SLC26A8: variants seen among roughly 807,000 people sequenced by gnomAD.
SLC26A8 encodes the protein testis anion transporter 1.
SLC26A8 carries 70 observed loss-of-function variants against 105.0 expected under a neutral mutation model. The observed-to-expected ratio is 0.67, with a 90% CI of 0.55 to 0.81. The LOEUF is 0.81. Ranked by LOEUF, SLC26A8 falls within the 40% of genes least tolerant of loss-of-function variation. SLC26A8 has a pLI of 0.00. For synonymous variants in SLC26A8, 415 were observed against 438.3 expected, an observed-to-expected ratio of 0.95 and a Z score of 0.66; for missense variants, 998 against 1,181.8, an observed-to-expected ratio of 0.84 and a Z score of 2.28.
intron 10 of SLC26A8, among the ~76,000 whole-genome samples, chr6:35,973,952 G>A (rs1459466251): frequency 6.6e-6 from 1 of 152,160 alleles, no homozygotes; most frequent in African/African-American, 2.4e-5. Flanking sequence ...CTGACATTTT[G>A]TCACTCTGCA....
Position 35,982,026 on chromosome 6 carries a change from A to G in SLC26A8, c.1025+95T>C, listed in dbSNP as rs191527313. ...AAAATGAATTTTGCTTTGGCCAGAG[A>G]CTGCTAGTAGAAAATATCAATCAGG... On this transcript the variant is annotated intron_variant, in intron 8 of 19. Coordinates refer to ENST00000490799, the MANE Select transcript of SLC26A8 (RefSeq NM_052961.4). 194 of 1,306,748 alleles carry G rather than the reference A, an allele frequency of 1.5e-4. 2 individuals are homozygous for G. The African/African-American group carries it at 2.5e-3, about 17-fold the overall frequency. 80.9% of individuals were successfully genotyped at this position (1,306,748 alleles called of 1,614,324 possible). A position where few individuals can be genotyped will look rare whatever the true frequency, so the allele number is the denominator to read the frequency against.
At chr6:35,948,911 G>C (rs1420592639) in intron 19 of SLC26A8, among the ~76,000 whole-genome samples, 1 of 152,110 alleles carries the variant, frequency 6.6e-6, no homozygotes, top group Non-Finnish European at 1.5e-5. Flanking sequence ...AAACCCTTTT[G>C]TCCTTCCACC....
chr6:35,982,284 A>G, intron 7 of SLC26A8, 81 bp from the exon 8 acceptor site: 1 of 1,387,584 alleles, frequency 7.2e-7, no homozygotes, highest in Non-Finnish European at 1.0e-6. Flanking sequence ...AGAGTTGCCC[A>G]TTGCCTCTGG....
chr6:36,019,083 G>A lies in SLC26A8; in HGVS notation c.188+437C>T, dbSNP rs147141124. Among the ~76,000 whole-genome samples the A allele has an allele frequency of 4.2e-3, 638 of 152,150 alleles. 3 individuals carry two copies. The highest frequency in any genetic ancestry group is 0.015 in the African/African-American group (618 of 41,492). On this transcript the variant is annotated intron_variant, in intron 2 of 19. Coordinates refer to ENST00000490799, the MANE Select transcript of SLC26A8 (RefSeq NM_052961.4). ...CTGGAATTACAGCACGTGCCACCAC[G>A]CCCAGCTAATTTTTGTATTTTTAGT...
intron 11 of SLC26A8, 111 bp downstream of exon 11, chr6:35,968,766 G>C (rs1295894789): frequency 3.0e-6 from 1 of 335,362 alleles, no homozygotes; most frequent in Non-Finnish European, 5.9e-6. Context: ...AATTCTCCTC[G>C]GAGATGCCCG....
At chr6:36,020,436 G>T (rs1424684752) in intron 1 of SLC26A8, among the ~76,000 whole-genome samples, 3 of 152,170 alleles carry the variant, frequency 2.0e-5, no homozygotes, top group African/African-American at 7.2e-5. Context: ...AGGCAACATG[G>T]TGAAACCCTG....
chr6:35,977,413 CTCTAT>C (rs1265676191), intron 8 of SLC26A8, 62 bp from the exon 9 acceptor site: 1 of 1,482,330 alleles, frequency 6.7e-7, no homozygotes, highest in African/African-American at 1.4e-5. Context: ...ACCTCCGCCA[CTCTAT>C]TCTAACACTG....
At chr6:35,952,329 G>A (rs1454674683) in intron 17 of SLC26A8, among the ~76,000 whole-genome samples, 1 of 152,140 alleles carries the variant, frequency 6.6e-6, no homozygotes, top group Non-Finnish European at 1.5e-5. Flanking sequence ...GTCACATTCA[G>A]AGCTGCCTTG....
At chr6:35,952,219 A>G (rs1771903564) in intron 17 of SLC26A8, among the ~76,000 whole-genome samples, 1 of 151,576 alleles carries the variant, frequency 6.6e-6, no homozygotes, top group African/African-American at 2.4e-5. Context: ...TTTGCATGAG[A>G]CCCCCACTTC....
intron 10 of SLC26A8, among the ~76,000 whole-genome samples, chr6:35,973,181 A>C (rs1214743757): frequency 6.6e-6 from 1 of 152,230 alleles, no homozygotes; most frequent in Non-Finnish European, 1.5e-5. Flanking sequence ...GAATAAACAA[A>C]GTATGTCATA....
chr6:35,952,362 A>AAAACATCAGATGTTTACTATCAGATAAGT (rs1326493958), intron 17 of SLC26A8, among the ~76,000 whole-genome samples: 29 of 152,336 alleles, frequency 1.9e-4, no homozygotes, highest in Middle Eastern at 6.8e-3. Flanking sequence ...TGATTTTAGT[A>AAAACATCAGATGTTTACTATCAGATAAGT]AAACATCAGA....
intron 7 of SLC26A8, among the ~76,000 whole-genome samples, chr6:35,990,828 T>C (rs1761121894): frequency 1.3e-5 from 2 of 152,220 alleles, no homozygotes; most frequent in South Asian, 4.1e-4. Context: ...GGAATTTCTT[T>C]TCCTCAACCA....
rs1347478818 is a variant in SLC26A8, at chr6:35,968,838, G to T, written c.1365+39C>A. 4 of 1,299,438 alleles carry T rather than the reference G, an allele frequency of 3.1e-6. No individual in the cohort carries two copies. In the South Asian group the frequency reaches 3.6e-5, roughly 12 times the overall value. 80.5% of individuals were successfully genotyped at this position (1,299,438 alleles called of 1,614,324 possible). Reference sequence around the variant, plus strand: ...ACACCAAGGAGCAATCCAGAGCCCTGGTCGTTGTTGACTTAGTTATTTGAT... The same window carrying T: ...ACACCAAGGAGCAATCCAGAGCCCTTGTCGTTGTTGACTTAGTTATTTGAT... On this transcript the variant is annotated intron_variant, in intron 11 of 19. Coordinates refer to ENST00000490799, the MANE Select transcript of SLC26A8 (RefSeq NM_052961.4).
chr6:35,945,438 G>C (rs1771627125), intron 19 of SLC26A8, among the ~76,000 whole-genome samples: 1 of 152,162 alleles, frequency 6.6e-6, no homozygotes, highest in African/African-American at 2.4e-5. Context: ...GGGCCTATAA[G>C]GCTGTGTGTG....
intron 1 of SLC26A8, among the ~76,000 whole-genome samples, chr6:36,023,904 A>T (rs1762191926): frequency 6.6e-6 from 1 of 152,140 alleles, no homozygotes; most frequent in Admixed American, 6.5e-5. Context: ...GACAGTCCTT[A>T]AGCGGATGAC....
At chr6:35,951,611 A>C (rs1771876152) in intron 17 of SLC26A8, 112 bp from the exon 18 acceptor site, 1 of 1,098,928 alleles carries the variant, frequency 9.1e-7, no homozygotes, top group Non-Finnish European at 1.4e-6. Flanking sequence ...ACAGAGTCTC[A>C]CTCTGTCACC....
intron 11 of SLC26A8, among the ~76,000 whole-genome samples, chr6:35,963,939 T>A (rs55779628): frequency 1.8e-4 from 28 of 152,330 alleles, no homozygotes; most frequent in Non-Finnish European, 3.2e-4. Context: ...CCAAGTGTGG[T>A]GGCTCATGCC....
intron 5 of SLC26A8, among the ~76,000 whole-genome samples, chr6:35,997,394 C>T (rs1761384233): frequency 1.3e-5 from 2 of 152,280 alleles, no homozygotes; most frequent in East Asian, 3.9e-4. Flanking sequence ...CCCCGACCTG[C>T]CATTTGTGGA....
chr6:35,954,515 C>G (rs17655247), intron 17 of SLC26A8, among the ~76,000 whole-genome samples: 10,859 of 152,140 alleles, frequency 0.071, 461 homozygotes, highest in Middle Eastern at 0.099. Flanking sequence ...CAGCTGACTC[C>G]CAGGATGTTC....
Sources: gnomAD v4.1 joint callset for allele counts (sites outside exome capture counted in the v4.1 genomes callset) on GRCh38, gnomAD v4.1.1 for gene constraint, MANE v1.5 for transcripts, NCBI Gene and HGNC (gene_info 2026-07-23, HGNC 2026-07-21) for gene names.